The following SAMD3 variants were observed in gnomAD, a reference collection of about 807,000 sequenced individuals.
SAMD3 encodes sterile alpha motif domain-containing protein 3.
Under a neutral mutation model 58.5 loss-of-function variants are expected in SAMD3, and 63 were observed. The ratio of observed to expected loss-of-function variants is 1.08; its 90% CI spans 0.88 to 1.33. The LOEUF (loss-of-function observed/expected upper bound fraction) is 1.33, where lower values mean the gene tolerates loss of function less well. Among genes scored for constraint, SAMD3 ranks in the 40% most tolerant of loss-of-function variants. The pLI, the probability that SAMD3 is intolerant of heterozygous loss-of-function variation, is 0.00. For synonymous variants in SAMD3, 220 were observed against 210.3 expected (o/e 1.05, Z -0.40); for missense variants, 604 against 608.4 (o/e 0.99, Z 0.08).
At chr6:130,261,620 G>A (rs970265742) in intron 2 of SAMD3, among the ~76,000 whole-genome samples, 14 of 152,040 alleles carry the variant, frequency 9.2e-5, no homozygotes, top group Non-Finnish European at 1.3e-4. Flanking sequence ...GTTTTGTCTC[G>A]AAGAAGCATG....
At chr6:130,187,059 C>T (rs553992749) in intron 5 of SAMD3, among the ~76,000 whole-genome samples, 5 of 152,180 alleles carry the variant, frequency 3.3e-5, no homozygotes, top group Admixed American at 1.3e-4. Context: ...TGTGAGCCAC[C>T]GTGCCTGGGC....
chr6:130,169,199 A>G (rs997708643), intron 8 of SAMD3, among the ~76,000 whole-genome samples: 1 of 152,150 alleles, frequency 6.6e-6, no homozygotes, highest in African/African-American at 2.4e-5. Flanking sequence ...TCTGAAAAAT[A>G]AAATTATATG....
At chr6:130,273,806 CA>C (rs1209281816) in intron 2 of SAMD3, among the ~76,000 whole-genome samples, 1 of 152,084 alleles carries the variant, frequency 6.6e-6, no homozygotes, top group African/African-American at 2.4e-5. Context: ...CCCCGCTACA[CA>C]ATTTATATTA....
At chr6:130,201,436 G>C (rs1191785878) in intron 5 of SAMD3, among the ~76,000 whole-genome samples, 1 of 152,170 alleles carries the variant, frequency 6.6e-6, no homozygotes, top group South Asian at 2.1e-4. Flanking sequence ...AAGAATTGCA[G>C]AATCCCAGGC....
intron 2 of SAMD3, among the ~76,000 whole-genome samples, chr6:130,292,550 G>A (rs1185854814): frequency 6.6e-6 from 1 of 151,924 alleles, no homozygotes; most frequent in Non-Finnish European, 1.5e-5. Context: ...GCCTCTCAAA[G>A]TGCTGGGATT....
chr6:130,255,055 A>G (rs2114914708), intron 2 of SAMD3, among the ~76,000 whole-genome samples: 1 of 152,148 alleles, frequency 6.6e-6, no homozygotes, highest in Admixed American at 6.5e-5. Context: ...TCATTGACCT[A>G]TTTGTTGTTC....
chr6:130,177,571 C>T (rs1335924868), intron 7 of SAMD3, among the ~76,000 whole-genome samples: 1 of 152,136 alleles, frequency 6.6e-6, no homozygotes, highest in Non-Finnish European at 1.5e-5. Flanking sequence ...TTAGCCTGTG[C>T]TTCATGGAAG....
chr6:130,166,305 A>C (rs1175378869), intron 8 of SAMD3, among the ~76,000 whole-genome samples: 1 of 152,230 alleles, frequency 6.6e-6, no homozygotes, highest in Non-Finnish European at 1.5e-5. Flanking sequence ...ACTGGGCAAC[A>C]AAAAATGTCT....
At chr6:130,308,437 T>A (rs572257057) in intron 2 of SAMD3, among the ~76,000 whole-genome samples, 4 of 146,292 alleles carry the variant, frequency 2.7e-5, no homozygotes, top group Admixed American at 7.0e-5. Context: ...TCTATTCTAT[T>A]CTTTTGTGTG....
At chr6:130,359,668 G>T (rs1310642613) in intron 1 of SAMD3, among the ~76,000 whole-genome samples, 1 of 152,178 alleles carries the variant, frequency 6.6e-6, no homozygotes, top group African/African-American at 2.4e-5. Flanking sequence ...TAAATATGCA[G>T]AAAAGGGCTC....
chr6:130,145,908 T>C, intron 10 of SAMD3, 102 bp downstream of exon 10: 1 of 539,582 alleles, frequency 1.9e-6, no homozygotes, highest in Non-Finnish European at 2.9e-6. Flanking sequence ...TAAAACTCAA[T>C]AAATGTAAAC....
At chr6:130,191,646 C>A (rs780354008) in intron 5 of SAMD3, among the ~76,000 whole-genome samples, 12 of 150,880 alleles carry the variant, frequency 8.0e-5, no homozygotes, top group Non-Finnish European at 1.2e-4. Context: ...TTTAACTGAG[C>A]CGCAGTTTCT....
At chr6:130,340,118 A>T (rs1777224292) in intron 1 of SAMD3, among the ~76,000 whole-genome samples, 1 of 152,212 alleles carries the variant, frequency 6.6e-6, no homozygotes, top group Non-Finnish European at 1.5e-5. Context: ...TATGTGTTCA[A>T]TAATATTGCA....
At chr6:130,239,151 C>A (rs1196337726) in intron 2 of SAMD3, among the ~76,000 whole-genome samples, 1 of 152,132 alleles carries the variant, frequency 6.6e-6, no homozygotes, top group Non-Finnish European at 1.5e-5. Flanking sequence ...CACCAGAGGG[C>A]CAGAGAAGTG....
upstream of SAMD3, among the ~76,000 whole-genome samples, chr6:130,223,529 C>T (rs1228212255): frequency 6.6e-6 from 1 of 152,198 alleles, no homozygotes; most frequent in Non-Finnish European, 1.5e-5. Flanking sequence ...ACCTATATTG[C>T]TCAGCTGGTA....
At chr6:130,217,317 T>C (rs1796056015) in intron 1 of SAMD3, among the ~76,000 whole-genome samples, 1 of 152,156 alleles carries the variant, frequency 6.6e-6, no homozygotes, top group African/African-American at 2.4e-5. Flanking sequence ...AGAAAAGATA[T>C]ATCTGGTAGC....
intron 5 of SAMD3, among the ~76,000 whole-genome samples, chr6:130,203,717 G>C (rs547326421): frequency 6.6e-6 from 1 of 152,332 alleles, no homozygotes; most frequent in South Asian, 2.1e-4. Flanking sequence ...GAATAAGACT[G>C]GTTCGTCTCA....
chr6:130,192,383 T>G (rs549622829), intron 5 of SAMD3, among the ~76,000 whole-genome samples: 1 of 152,292 alleles, frequency 6.6e-6, no homozygotes, highest in South Asian at 2.1e-4. Flanking sequence ...GATGGCCGGT[T>G]TCTGCCTTAA....
At position 130,188,545 on chromosome 6, in the gene SAMD3, G is replaced by A. The variant is rs573936101; in HGVS notation, c.384-3922C>T. On this transcript the variant is annotated intron_variant, in intron 5 of 11. Coordinates refer to ENST00000439090, the MANE Select transcript of SAMD3 (RefSeq NM_001017373.4). ...ATTGCATTCATTACCCTGTAGATTC[G>A]GCTCCCCATTTATGCTCCAGGCATG... 8.5e-5 allele frequency among the ~76,000 whole-genome samples: 13 copies of A among 152,106 alleles called. No individual in the cohort carries two copies. In the South Asian group the frequency reaches 1.9e-3, roughly 22 times the overall value.
Sources: gnomAD v4.1 joint callset for allele counts (sites outside exome capture counted in the v4.1 genomes callset) on GRCh38, gnomAD v4.1.1 for gene constraint, MANE v1.5 for transcripts, NCBI Gene and HGNC (gene_info 2026-07-23, HGNC 2026-07-21) for gene names.